The following EML4 variants were observed in gnomAD, a reference collection of about 807,000 sequenced individuals.
The protein encoded by EML4 is echinoderm microtubule-associated protein-like 4.
Under a neutral mutation model 129.0 loss-of-function variants are expected in EML4, and 72 were observed. The observed-to-expected ratio is 0.56, with a 90% CI of 0.46 to 0.68. The LOEUF (loss-of-function observed/expected upper bound fraction) is 0.68, where lower values mean the gene tolerates loss of function less well. EML4 is among the 30% of genes least tolerant of loss of function. The pLI, the probability that EML4 is intolerant of heterozygous loss-of-function variation, is 0.00. For missense variants in EML4, 1,363 were observed against 1,190.6 expected (o/e 1.14, Z -2.13); for synonymous variants, 532 against 405.0 (o/e 1.31, Z -3.77).
rs535660965 is a variant in EML4, at chr2:42,169,736, T to C, written c.25+100T>C. 1.1e-5 allele frequency: 15 copies of C among 1,372,780 alleles called. No individual in the cohort carries two copies. The South Asian group carries it at 1.5e-4, about 14-fold the overall frequency. The allele number at this position is 1,372,780 out of a possible 1,614,324, so 85.0% of individuals were successfully genotyped here. A position where few individuals can be genotyped will look rare whatever the true frequency, so the allele number is the denominator to read the frequency against. On this transcript the variant is annotated intron_variant, in intron 1 of 22. Transcript: ENST00000318522. The stretch of plus-strand genomic sequence containing the variant: ...CTGCCCTCCCGCCTGCCCCTCGGGG[T>C]GGCAGCGGCTCCACTGCACATGTTC...
intron 1 of EML4, among the ~76,000 whole-genome samples, chr2:42,220,009 A>C (rs1673468425): frequency 6.6e-6 from 1 of 151,662 alleles, no homozygotes; most frequent in Non-Finnish European, 1.5e-5. Context: ...AAGGGGTGGC[A>C]GTTTGGGTAG....
intron 1 of EML4, among the ~76,000 whole-genome samples, chr2:42,214,203 G>A (rs1673043681): frequency 6.6e-6 from 1 of 152,094 alleles, no homozygotes; most frequent in South Asian, 2.1e-4. Flanking sequence ...GTCAGATAGT[G>A]GATTCGGTAT....
At chr2:42,192,741 A>G (rs140099759) in intron 1 of EML4, among the ~76,000 whole-genome samples, 3 of 152,306 alleles carry the variant, frequency 2.0e-5, no homozygotes, top group African/African-American at 7.2e-5. Context: ...TCCCACTAGG[A>G]TTCAAAAACC....
chr2:42,311,108 A>T (rs1467376448), intron 17 of EML4, among the ~76,000 whole-genome samples: 2 of 152,218 alleles, frequency 1.3e-5, no homozygotes, highest in African/African-American at 2.4e-5. Context: ...TCTAACCAGT[A>T]AATGACTTAA....
At chr2:42,257,968 A>G (rs1312106886) in intron 3 of EML4, among the ~76,000 whole-genome samples, 1 of 152,260 alleles carries the variant, frequency 6.6e-6, no homozygotes, top group Non-Finnish European at 1.5e-5. Context: ...AGGGAAACTA[A>G]GAAAATGTTA....
chr2:42,197,985 A>C (rs902004466), intron 1 of EML4, among the ~76,000 whole-genome samples: 1 of 152,172 alleles, frequency 6.6e-6, no homozygotes, highest in African/African-American at 2.4e-5. Flanking sequence ...TGCAATTACT[A>C]GTTTGTAGCC....
intron 1 of EML4, chr2:42,169,972 C>G (rs930456505): frequency 1.1e-5 from 3 of 271,728 alleles, no homozygotes; most frequent in Admixed American, 5.4e-5. Flanking sequence ...CCACTTACCC[C>G]CCTTCAGAGT....
chr2:42,178,366 G>A (rs1214495995), intron 1 of EML4, among the ~76,000 whole-genome samples: 1 of 151,288 alleles, frequency 6.6e-6, no homozygotes, highest in Non-Finnish European at 1.5e-5. Context: ...AACATAGTGA[G>A]ACCCTGTCTC....
intron 6 of EML4, among the ~76,000 whole-genome samples, chr2:42,276,246 A>C (rs1372236153): frequency 6.6e-6 from 1 of 152,176 alleles, no homozygotes; most frequent in African/African-American, 2.4e-5. Context: ...TAAACATTTT[A>C]AAATTGGCAG....
At chr2:42,230,865 G>GT (rs1311052531) in intron 1 of EML4, among the ~76,000 whole-genome samples, 4 of 152,160 alleles carry the variant, frequency 2.6e-5, no homozygotes, top group East Asian at 1.9e-4. Flanking sequence ...TCTTTGTCTT[G>GT]TTTTTTCTAT....
chr2:42,213,275 A>G (rs1672984654), intron 1 of EML4, among the ~76,000 whole-genome samples: 1 of 152,084 alleles, frequency 6.6e-6, no homozygotes, highest in African/African-American at 2.4e-5. Context: ...TCCCACATCT[A>G]AGGATGACCA....
At chr2:42,171,942 T>A (rs1670307026) in intron 1 of EML4, among the ~76,000 whole-genome samples, 1 of 152,232 alleles carries the variant, frequency 6.6e-6, no homozygotes. Flanking sequence ...AAATTGCTTG[T>A]TTCTGTTCTC....
At chr2:42,241,794 T>C (rs1675051333) in intron 1 of EML4, among the ~76,000 whole-genome samples, 1 of 151,846 alleles carries the variant, frequency 6.6e-6, no homozygotes, top group African/African-American at 2.4e-5. Context: ...CTAGATTAGT[T>C]TGGTGACCTT....
intron 6 of EML4, among the ~76,000 whole-genome samples, chr2:42,279,253 C>T (rs1269356816): frequency 6.6e-6 from 1 of 152,064 alleles, no homozygotes; most frequent in Non-Finnish European, 1.5e-5. Context: ...CTGCTGTGAA[C>T]CTGAGAATAC....
chr2:42,315,885 AAAAAAG>A (rs1466096881), intron 17 of EML4, 71 bp from the exon 18 acceptor site: 28 of 1,122,014 alleles, frequency 2.5e-5, no homozygotes, highest in Non-Finnish European at 3.6e-5. Flanking sequence ...CATCTCAAAA[AAAAAAG>A]AAAAAGAACA....
intron 19 of EML4, among the ~76,000 whole-genome samples, chr2:42,320,988 C>T (rs773560948): frequency 6.6e-6 from 1 of 152,086 alleles, no homozygotes; most frequent in Non-Finnish European, 1.5e-5. Context: ...AAAGAGTAAA[C>T]ACTTTATCTA....
At chr2:42,190,009 T>G (rs1671494107) in intron 1 of EML4, among the ~76,000 whole-genome samples, 1 of 152,078 alleles carries the variant, frequency 6.6e-6, no homozygotes, top group Non-Finnish European at 1.5e-5. Flanking sequence ...CTTTTTTTTT[T>G]TAGGTGATGG....
chr2:42,170,574 A>C (rs879470537), intron 1 of EML4, among the ~76,000 whole-genome samples: 4 of 152,236 alleles, frequency 2.6e-5, no homozygotes, highest in Admixed American at 2.0e-4. Flanking sequence ...ACTCCAGGCT[A>C]GTATTCGCTG....
intron 4 of EML4, among the ~76,000 whole-genome samples, chr2:42,262,836 G>A (rs1488967861): frequency 6.6e-6 from 1 of 151,942 alleles, no homozygotes; most frequent in Non-Finnish European, 1.5e-5. Context: ...AAAATTCAAT[G>A]GCTATGAAAA....
Sources: allele counts gnomAD v4.1 joint callset (sites outside exome capture counted in the v4.1 genomes callset), GRCh38; gene constraint gnomAD v4.1.1; transcripts MANE v1.5; gene names NCBI Gene and HGNC (gene_info 2026-07-23, HGNC 2026-07-21).